The following PTK2 variants were observed in gnomAD, a reference collection of about 807,000 sequenced individuals.
PTK2 encodes the protein focal adhesion kinase 1.
PTK2 carries 45 observed loss-of-function variants against 150.1 expected under a neutral mutation model. The observed-to-expected ratio is 0.30, with a 90% CI of 0.24 to 0.38. The LOEUF (loss-of-function observed/expected upper bound fraction) is 0.38, where lower values mean the gene tolerates loss of function less well. PTK2 is among the 10% of genes least tolerant of loss of function. The pLI is 1.00. For synonymous variants in PTK2, 432 were observed against 449.2 expected, an observed-to-expected ratio of 0.96 and a Z score of 0.48; for missense variants, 919 against 1,307.3, an observed-to-expected ratio of 0.70 and a Z score of 4.58.
At chr8:140,729,387 G>A (rs898783666) in intron 22 of PTK2, among the ~76,000 whole-genome samples, 4 of 152,180 alleles carry the variant, frequency 2.6e-5, no homozygotes, top group Non-Finnish European at 5.9e-5. Context: ...TCAACTCTGG[G>A]TGACTTGTTC....
intron 14 of PTK2, among the ~76,000 whole-genome samples, chr8:140,782,254 T>TGGGG (rs11375755): frequency 1.0e-4 from 14 of 138,132 alleles, no homozygotes; most frequent in African/African-American, 3.1e-4. Context: ...TTTTTTTTTT[T>TGGGG]GGGGGGGGGG....
At chr8:140,872,900 G>A (rs1419133601) in intron 4 of PTK2, among the ~76,000 whole-genome samples, 1 of 152,140 alleles carries the variant, frequency 6.6e-6, no homozygotes, top group Non-Finnish European at 1.5e-5. Flanking sequence ...AAATTCAGTA[G>A]TATTTAGCGT....
rs141580725 is a variant in PTK2 at position 140,800,029 on chromosome 8, A to C, written c.1093+430T>G. Among the ~76,000 whole-genome samples the C allele has an allele frequency of 5.6e-3, 854 of 152,274 alleles. 8 individuals carry two copies. Among genetic ancestry groups the C allele is most frequent in the African/African-American group, 0.02 (815 of 41,566 alleles). On this transcript the variant is annotated intron_variant, in intron 12 of 31. Coordinates refer to ENST00000522684, the Ensembl canonical transcript of PTK2. Reference sequence around the variant, plus strand: ...TTGATTTTTTAACATCATGACTTAGACTGTACTTTCTTCTTTGAATGCTCT... The same window carrying C: ...TTGATTTTTTAACATCATGACTTAGCCTGTACTTTCTTCTTTGAATGCTCT...
intron 31 of PTK2, among the ~76,000 whole-genome samples, chr8:140,661,022 T>C (rs1289091356): frequency 1.3e-5 from 2 of 152,222 alleles, no homozygotes; most frequent in South Asian, 2.1e-4. Context: ...AATCACGTAG[T>C]AGAAAAGTAC....
intron 28 of PTK2, among the ~76,000 whole-genome samples, chr8:140,675,168 CT>C (rs772090005): frequency 0.011 from 1,497 of 138,234 alleles, 11 homozygotes; most frequent in Middle Eastern, 0.019. Flanking sequence ...GCATTTCTTT[CT>C]TTTTTTTTTT....
intron 14 of PTK2, among the ~76,000 whole-genome samples, chr8:140,785,308 T>C (rs2100084320): frequency 6.6e-6 from 1 of 152,218 alleles, no homozygotes; most frequent in Admixed American, 6.5e-5. Context: ...CATGGATTTA[T>C]TTAAAAACAA....
rs573306488 is a variant in PTK2 at position 140,745,940 on chromosome 8, T to C, written c.1518+820A>G. 6.7e-5 allele frequency among the ~76,000 whole-genome samples: 10 copies of C among 149,468 alleles called. No homozygotes were observed. The South Asian group carries it at 2.1e-3, about 31-fold the overall frequency. On this transcript the variant is annotated intron_variant, in intron 18 of 31. Coordinates refer to ENST00000522684, the Ensembl canonical transcript of PTK2. ...GCTTGAACCTGGGAGGCGGAGGTTG[T>C]AATGGGCTGAGATCGCGCCATTGCA...
At chr8:140,932,373 C>A (rs1187079000) in intron 1 of PTK2, among the ~76,000 whole-genome samples, 1 of 152,044 alleles carries the variant, frequency 6.6e-6, no homozygotes, top group African/African-American at 2.4e-5. Flanking sequence ...CACCACCACA[C>A]CCAGTTTATT....
intron 7 of PTK2, among the ~76,000 whole-genome samples, chr8:140,843,239 T>A (rs1375828702): frequency 6.6e-6 from 1 of 152,164 alleles, no homozygotes; most frequent in Non-Finnish European, 1.5e-5. Flanking sequence ...ATTCACTAAT[T>A]CACCTTGACA....
At chr8:140,696,019 G>A (rs1382497574) in intron 26 of PTK2, among the ~76,000 whole-genome samples, 2 of 152,098 alleles carry the variant, frequency 1.3e-5, no homozygotes, top group Non-Finnish European at 1.5e-5. Context: ...TGACACCAAT[G>A]CTATGATTCC....
rs543994038 is a variant in PTK2 at position 140,733,901 on chromosome 8, G to A, written c.2030+1350C>T. Among the ~76,000 whole-genome samples, 3 of 152,272 alleles carry A rather than the reference G, an allele frequency of 2.0e-5. No homozygotes were observed. In the East Asian group the frequency reaches 5.8e-4, roughly 29 times the overall value. On this transcript the variant is annotated intron_variant, in intron 22 of 31. Coordinates refer to ENST00000522684, the Ensembl canonical transcript of PTK2. The stretch of plus-strand genomic sequence containing the variant: ...GGCTCACTGTATTGTAATAACCAGT[G>A]ATACCTCGGTCTCCTCCACCAGACT...
intron 23 of PTK2, among the ~76,000 whole-genome samples, chr8:140,707,739 AT>A (rs1247182802): frequency 6.6e-6 from 1 of 152,238 alleles, no homozygotes; most frequent in Non-Finnish European, 1.5e-5. Flanking sequence ...ATTGTATGGT[AT>A]GTAAATTGTA....
At chr8:140,669,642 C>T in intron 29 of PTK2, 85 bp downstream of exon 33, 1 of 1,460,446 alleles carries the variant, frequency 6.8e-7, no homozygotes, top group Non-Finnish European at 9.2e-7. Context: ...ACTTGGGCTT[C>T]CTGCTTTCCA....
rs149325401 is a variant in PTK2 at position 140,818,079 on chromosome 8, T to C, written c.867+198A>G. Among the ~76,000 whole-genome samples, 683 of 152,286 alleles carry C rather than the reference T, an allele frequency of 4.5e-3. 3 individuals are homozygous for C. Among genetic ancestry groups the C allele is most frequent in the African/African-American group, 0.016 (646 of 41,554 alleles). On this transcript the variant is annotated intron_variant, in intron 10 of 31. Transcript: ENST00000522684. ...GTTAGGTTTGTATGATTCCTTTCCT[T>C]CCAAAACTAAGTAATTCCGAGGTAT...
intron 2 of PTK2, among the ~76,000 whole-genome samples, chr8:140,894,662 A>C (rs1224268773): frequency 6.6e-6 from 1 of 152,228 alleles, no homozygotes; most frequent in Non-Finnish European, 1.5e-5. Flanking sequence ...CTTTTGAATA[A>C]AAGGGGGAAA....
intron 13 of PTK2, among the ~76,000 whole-genome samples, chr8:140,791,781 A>C (rs2100088612): frequency 6.6e-6 from 1 of 152,204 alleles, no homozygotes; most frequent in South Asian, 2.1e-4. Flanking sequence ...GCAAAGACAG[A>C]ATATTGGCAA....
chr8:140,947,600 C>A (rs545188301), intron 1 of PTK2, among the ~76,000 whole-genome samples: 121 of 151,952 alleles, frequency 8.0e-4, no homozygotes, highest in African/African-American at 2.7e-3. Flanking sequence ...CCTGTGAAGA[C>A]TTCAATGAAA....
At chr8:140,794,753 AC>A (rs2100090635) in intron 12 of PTK2, among the ~76,000 whole-genome samples, 1 of 152,090 alleles carries the variant, frequency 6.6e-6, no homozygotes, top group Admixed American at 6.5e-5. Context: ...CAGTGCTCAC[AC>A]CTGTATCTCT....
exon 1 of PTK2, chr8:141,001,149 A>G (rs1458241756): frequency 2.0e-5 from 3 of 151,014 alleles, no homozygotes; most frequent in African/African-American, 7.3e-5. Context: ...GGCGCCGTGA[A>G]GCGAAGGCAG....
Sources: allele counts gnomAD v4.1 joint callset (sites outside exome capture counted in the v4.1 genomes callset), GRCh38; gene constraint gnomAD v4.1.1; transcripts MANE v1.5; gene names NCBI Gene and HGNC (gene_info 2026-07-23, HGNC 2026-07-21).